Variants in FHOD1 observed in about 807,000 individuals in gnomAD.
FHOD1 encodes the protein formin homology 2 domain containing 1, also known as FH1/FH2 domain-containing protein 1.
Under a neutral mutation model 111.6 loss-of-function variants are expected in FHOD1, and 89 were observed. That is an observed-to-expected ratio of 0.80 (90% CI 0.67 to 0.95). FHOD1 has a LOEUF of 0.95. Among genes scored for constraint, FHOD1 ranks in the 40% least tolerant of loss-of-function variants. The pLI is 0.00. For synonymous variants in FHOD1, 618 were observed against 639.0 expected (o/e 0.97, Z 0.50); for missense variants, 1,446 against 1,554.2 (o/e 0.93, Z 1.17).
At chr16:67,242,461 G>A (rs142704824) in intron 1 of FHOD1, among the ~76,000 whole-genome samples, 1 of 152,308 alleles carries the variant, frequency 6.6e-6, no homozygotes, top group African/African-American at 2.4e-5. Flanking sequence ...CAAAGAGCAG[G>A]AGACTTCCTG....
chr16:67,230,562 G>A, intron 18 of FHOD1, 39 bp downstream of exon 18: 1 of 1,613,348 alleles, frequency 6.2e-7, no homozygotes, highest in Non-Finnish European at 8.5e-7. Flanking sequence ...CTGAGGGAGG[G>A]TGGTGGCCGT....
chr16:67,236,034 G>T (rs1054313926), intron 11 of FHOD1: 2 of 984,804 alleles, frequency 2.0e-6, no homozygotes, highest in African/African-American at 3.5e-5. Context: ...GGCCTGCCCA[G>T]GAGGGGACTG....
In FHOD1 at chr16:67,233,892, A is replaced by AGAGGTG. The variant is rs1567386788; in HGVS notation, c.1805_1810dup (p.Pro602_Pro603dup). The AGAGGTG allele has an allele frequency of 1.1e-5, 14 of 1,272,914 alleles. No individual in the cohort carries two copies. Among genetic ancestry groups the AGAGGTG allele is most frequent in the Middle Eastern group, 2.3e-4 (1 of 4,288 alleles). The allele number at this position is 1,272,914 out of a possible 1,614,324, so 78.9% of individuals were successfully genotyped here. A position where few individuals can be genotyped will look rare whatever the true frequency, so the allele number is the denominator to read the frequency against. ...ATGGGGAAGAGGGGCAGCCAGAGGTAGAGGTGGAGGTGGTGGGAAGGGGCC... is the reference window on the plus strand; with the variant it reads ...ATGGGGAAGAGGGGCAGCCAGAGGTAGAGGTGGAGGTGGAGGTGGTGGGAAGGGGCC... On this transcript the variant is annotated inframe_insertion, in exon 13 of 22. Coordinates refer to ENST00000258201, the MANE Select transcript of FHOD1 (RefSeq NM_013241.3).
chr16:67,231,855 A>C lies in FHOD1; in HGVS notation c.2203-36T>G, dbSNP rs745363122. Reference sequence around the variant, plus strand: ...AGCCAGAGCCTGACATGGCCCCCTCAATGCAGGCCTGAGGCCTGAGGCATT... The same window carrying C: ...AGCCAGAGCCTGACATGGCCCCCTCCATGCAGGCCTGAGGCCTGAGGCATT... On this transcript the variant is annotated intron_variant, in intron 14 of 21. Transcript: ENST00000258201. The surrounding 1 kb of genome is among the most constrained non-coding windows in gnomAD (Gnocchi z 4.3). 1.2e-6 allele frequency: 2 copies of C among 1,602,224 alleles called. No homozygotes were observed. Among genetic ancestry groups the C allele is most frequent in the Non-Finnish European group, 1.7e-6 (2 of 1,173,512 alleles).
Position 67,238,838 on chromosome 16 carries a change from G to A in FHOD1, c.373+65C>T. On this transcript the variant is annotated intron_variant, in intron 3 of 21. Coordinates refer to ENST00000258201, the MANE Select transcript of FHOD1 (RefSeq NM_013241.3). The surrounding 1 kb of genome is among the most constrained non-coding windows in gnomAD (Gnocchi z 4.2). ...TTTGCTCACTGTTCAGCACAGGCCTGAAGGTGAGCCAACTGGGCTATGGGG... is the reference window on the plus strand; with the variant it reads ...TTTGCTCACTGTTCAGCACAGGCCTAAAGGTGAGCCAACTGGGCTATGGGG... The A allele has an allele frequency of 6.6e-7, 1 of 1,514,700 alleles. No homozygotes were observed. Among genetic ancestry groups the A allele is most frequent in the South Asian group, 1.1e-5 (1 of 89,074 alleles). The allele number at this position is 1,514,700 out of a possible 1,614,324, so 93.8% of individuals were successfully genotyped here.
rs561555976 is a variant in FHOD1, at chr16:67,230,304, G to A, written c.3051+10C>T. ...TGGCAGTCAAGACTAAGACCTGGAAGGGCACCCACCTCGGTGATCATGCGT... is the reference window on the plus strand; with the variant it reads ...TGGCAGTCAAGACTAAGACCTGGAAAGGCACCCACCTCGGTGATCATGCGT... On this transcript the variant is annotated intron_variant, in intron 19 of 21. Coordinates refer to ENST00000258201, the MANE Select transcript of FHOD1 (RefSeq NM_013241.3). The A allele has an allele frequency of 6.2e-7, 1 of 1,614,038 alleles. No homozygotes were observed. Among genetic ancestry groups the A allele is most frequent in the Admixed American group, 1.7e-5 (1 of 60,030 alleles).
chr16:67,231,985 T>C lies in FHOD1; in HGVS notation c.2202+54A>G, dbSNP rs1180015619. 6 of 1,601,922 alleles carry C rather than the reference T, an allele frequency of 3.7e-6. No homozygotes were observed. The highest frequency in any genetic ancestry group is 1.8e-4 in the Middle Eastern group (1 of 5,708). ...ACCAGAGGGACAGGAAATGCCCACC[T>C]ACCAAAGGAGAAGGCCAGACCTCCC... is the stretch of plus-strand genomic sequence containing the variant. On this transcript the variant is annotated intron_variant, in intron 14 of 21. Coordinates refer to ENST00000258201, the MANE Select transcript of FHOD1 (RefSeq NM_013241.3). The surrounding 1 kb of genome is among the most constrained non-coding windows in gnomAD (Gnocchi z 4.3).
At position 67,232,184 on chromosome 16, in the gene FHOD1, T is replaced by G; in HGVS notation, c.2057A>C (p.Glu686Ala). The part of the protein sequence containing the change: ...KEVLPSKKAG[E>A]GRRTMTTVLD... ...CACTGTGGTCATTGTCCGGCGGCCC[T>G]CTCCAGCTTTCTGCATGGTTGGGGG... The change falls in exon 14 of 22, where the codon GAG (glutamate) becomes GCG (alanine). Residue 686 changes from glutamate to alanine, a missense_variant. Transcript: ENST00000258201. The G allele has an allele frequency of 6.2e-7, 1 of 1,614,018 alleles. No homozygotes were observed. The highest frequency in any genetic ancestry group is 8.5e-7 in the Non-Finnish European group (1 of 1,179,986).
Position 67,232,068 on chromosome 16 carries a change from C to T in FHOD1, c.2173G>A (p.Glu725Lys). 2 of 1,614,262 alleles carry T rather than the reference C, an allele frequency of 1.2e-6. No homozygotes were observed. Among genetic ancestry groups the T allele is most frequent in the Non-Finnish European group, 1.7e-6 (2 of 1,180,048 alleles). The change falls in exon 14 of 22, where the codon GAG becomes AAG. Residue 725 changes from glutamate (E) to lysine (K), a missense_variant. Glu to Lys is a moderately conservative substitution (Grantham distance 56). This residue lies in a region of FHOD1 where 1,085 missense variants were observed against 1,108.8 expected (regional missense o/e 0.98). Coordinates refer to ENST00000258201, the MANE Select transcript of FHOD1 (RefSeq NM_013241.3). ...VIKAALLNFD[E>K]FAVSKDGIEK... ...ATGCCATCCTTGCTGACAGCAAACT[C>T]ATCAAAGTTGAGCAGAGCAGCCTTA...
Position 67,234,190 on chromosome 16 carries a change from G to T in FHOD1, c.1513C>A (p.Leu505Ile). The T allele has an allele frequency of 6.4e-7, 1 of 1,550,906 alleles. No individual in the cohort carries two copies. The change falls in exon 13 of 22, where the codon CTC (leucine) becomes ATC (isoleucine). Residue 505 changes from leucine (L) to isoleucine (I), a missense_variant. Physicochemically the swap from Leu to Ile is conservative, Grantham distance 5. This residue lies in a region of FHOD1 where 1,085 missense variants were observed against 1,108.8 expected (regional missense o/e 0.98). Transcript: ENST00000258201. The part of the protein sequence containing the change: ...TPQSPAPCVL[L>I]RAQRSLAPEP... ...GGTGCAAGGCTTCGCTGGGCCCGGA[G>T]CAGGACACAGGGGGCAGGGCTCTGG...
chr16:67,230,439 A>G lies in FHOD1; in HGVS notation c.2926T>C (p.Phe976Leu). ...QAAREVRIMQ[F>L]CHTLREFALE... ...GCAAATTCCCGCAGCGTGTGGCAGA[A>G]CTGCATGATGCGCACTTCACGGGCC... Residue 976 changes from phenylalanine (F) to leucine (L), a missense_variant, in exon 19 of 22, where the codon TTC becomes CTC. Physicochemically the swap from Phe to Leu is conservative, Grantham distance 22. Coordinates refer to ENST00000258201, the MANE Select transcript of FHOD1 (RefSeq NM_013241.3). 6.2e-7 allele frequency: 1 copy of G among 1,614,250 alleles called. No homozygotes were observed. Among genetic ancestry groups the G allele is most frequent in the Non-Finnish European group, 8.5e-7 (1 of 1,180,042 alleles).
Position 67,238,449 on chromosome 16 carries a change from T to C in FHOD1, c.374-2A>G. 1 of 1,613,302 alleles carries C rather than the reference T, an allele frequency of 6.2e-7. No individual in the cohort carries two copies. Among genetic ancestry groups the C allele is most frequent in the Non-Finnish European group, 8.5e-7 (1 of 1,179,652 alleles). On this transcript the variant is annotated splice_acceptor_variant, in intron 3 of 21. Transcript: ENST00000258201. LOFTEE classifies it high-confidence loss of function. This position sits in a 1 kb window ranked among gnomAD's most constrained non-coding sequence, Gnocchi z 4.2. ...GACCACTGGAGCTATACAGCTTTTC[T>C]GCAAAAGGTAGGGTATAAAACCCTT...
In FHOD1 at chr16:67,239,429, GA is replaced by G; in HGVS notation, c.226del (p.Ser76LeufsTer35). On this transcript the variant is annotated frameshift_variant, in exon 2 of 22. Transcript: ENST00000258201. LOFTEE classifies it high-confidence loss of function. ...LKLEDCALQVSPSGYYLDTEL... is the reference protein window; with the variant it reads ...LKLEDCALQVXPSGYYLDTEL... ...GGTGTCCAGGTAGTATCCGGAGGGA[GA>G]CACTTGCAGAGCACAATCCTCCAAC... 1 of 1,614,128 alleles carries G rather than the reference GA, an allele frequency of 6.2e-7. No homozygotes were observed. Among genetic ancestry groups the G allele is most frequent in the East Asian group, 2.2e-5 (1 of 44,884 alleles).
At chr16:67,247,147 C>T in intron 1 of FHOD1, 63 bp downstream of exon 1, 1 of 1,449,768 alleles carries the variant, frequency 6.9e-7, no homozygotes, top group African/African-American at 1.4e-5. Flanking sequence ...GCACCTCCCA[C>T]CAGTTTTCAT....
Position 67,231,106 on chromosome 16 carries a change from G to A in FHOD1, c.2667+82C>T, listed in dbSNP as rs1228411077. The A allele has an allele frequency of 9.7e-6, 15 of 1,547,378 alleles. No individual in the cohort carries two copies. The highest frequency in any genetic ancestry group is 1.3e-5 in the Non-Finnish European group (15 of 1,137,798). On this transcript the variant is annotated intron_variant, in intron 17 of 21. Coordinates refer to ENST00000258201, the MANE Select transcript of FHOD1 (RefSeq NM_013241.3). The surrounding 1 kb of genome is among the most constrained non-coding windows in gnomAD (Gnocchi z 4.3). Reference sequence around the variant, plus strand: ...AAGCCCTGGCACAGCAGCCCAAATGGGGAGAAGGGGGAGGAGCCAGGCCCA... The same window carrying A: ...AAGCCCTGGCACAGCAGCCCAAATGAGGAGAAGGGGGAGGAGCCAGGCCCA...
rs1202720239 is a variant in FHOD1, at chr16:67,238,186, G to T, written c.547+16C>A. ...GGTCGCTGGAGCAGAGGTCATGGGA[G>T]AGGGGCGGGGCTGACCTCTAAGGAT... On this transcript the variant is annotated intron_variant, in intron 5 of 21. Coordinates refer to ENST00000258201, the MANE Select transcript of FHOD1 (RefSeq NM_013241.3). This position sits in a 1 kb window ranked among gnomAD's most constrained non-coding sequence, Gnocchi z 4.2. The T allele has an allele frequency of 3.7e-6, 6 of 1,614,014 alleles. No homozygotes were observed. The highest frequency in any genetic ancestry group is 5.1e-6 in the Non-Finnish European group (6 of 1,179,954).
intron 13 of FHOD1, among the ~76,000 whole-genome samples, chr16:67,232,610 A>G (rs912313300): frequency 6.6e-6 from 1 of 152,018 alleles, no homozygotes; most frequent in Non-Finnish European, 1.5e-5. Flanking sequence ...TAGATTGCCA[A>G]ATGATCCCAC....
Position 67,231,104 on chromosome 16 carries a change from TG to T in FHOD1, c.2667+83del. Reference sequence around the variant, plus strand: ...GCAAGCCCTGGCACAGCAGCCCAAATGGGGAGAAGGGGGAGGAGCCAGGCCC... The same window carrying T: ...GCAAGCCCTGGCACAGCAGCCCAAATGGGAGAAGGGGGAGGAGCCAGGCCC... On this transcript the variant is annotated intron_variant, in intron 17 of 21. Transcript: ENST00000258201. The surrounding 1 kb of genome is among the most constrained non-coding windows in gnomAD (Gnocchi z 4.3). 1 of 1,543,114 alleles carries T rather than the reference TG, an allele frequency of 6.5e-7. No homozygotes were observed. The highest frequency in any genetic ancestry group is 1.2e-5 in the South Asian group (1 of 82,046).
At chr16:67,245,180 C>G (rs1199208332) in intron 1 of FHOD1, among the ~76,000 whole-genome samples, 1 of 152,176 alleles carries the variant, frequency 6.6e-6, no homozygotes. Flanking sequence ...TGTGCCACCT[C>G]CATATCCCTG....
Sources: gnomAD v4.1 joint callset for allele counts (sites outside exome capture counted in the v4.1 genomes callset) on GRCh38, gnomAD v4.1.1 for gene constraint, gnomAD v4.1.1 regional missense constraint, Gnocchi (gnomAD v3.1) non-coding constraint, MANE v1.5 for transcripts, NCBI Gene and HGNC (gene_info 2026-07-23, HGNC 2026-07-21) for gene names.